The following KPNA3 variants were observed in gnomAD, a reference collection of about 807,000 sequenced individuals.
KPNA3 encodes the protein karyopherin subunit alpha 3, also known as importin subunit alpha-4.
In KPNA3, 13 loss-of-function variants were observed where a neutral mutation model predicts 73.8. The observed-to-expected ratio is 0.18, with a 90% confidence interval of 0.11 to 0.28. The LOEUF (loss-of-function observed/expected upper bound fraction) is 0.28, where lower values mean the gene tolerates loss of function less well. Among genes scored for constraint, KPNA3 ranks in the 10% least tolerant of loss-of-function variants. KPNA3 has a pLI of 1.00. For synonymous variants in KPNA3, 186 were observed against 206.9 expected (o/e 0.90, Z 0.87); for missense variants, 360 against 618.1 (o/e 0.58, Z 4.43).
chr13:49,788,950 G>C (rs78971879), intron 1 of KPNA3, among the ~76,000 whole-genome samples: 3,888 of 152,154 alleles, frequency 0.026, 87 homozygotes, highest in Non-Finnish European at 0.042. Flanking sequence ...ATTTGAAGGA[G>C]GAGGAAGAGG....
chr13:49,709,584 C>T lies in KPNA3; in HGVS notation c.1020G>A (p.Glu340=). Residue 340 remains glutamate, a synonymous_variant, in exon 12 of 17, where the codon GAG becomes GAA. Transcript: ENST00000261667. ...TTATATGCCTTACCTTATTTATCTT[C>T]TCTTTTGGGTGTGATAAGAGATTTG... The part of the protein sequence containing the change: ...HFPNLLSHPK[E]KINKEAVWFL... The T allele has an allele frequency of 1.2e-6, 2 of 1,612,614 alleles. No individual in the cohort carries two copies. The highest frequency in any genetic ancestry group is 2.2e-5 in the South Asian group (2 of 90,886).
At chr13:49,703,015 C>T (rs930641200) in intron 15 of KPNA3, among the ~76,000 whole-genome samples, 1 of 151,808 alleles carries the variant, frequency 6.6e-6, no homozygotes, top group African/African-American at 2.4e-5. Context: ...ACTACAGGCG[C>T]CCGCCACCAC....
chr13:49,764,668 C>T (rs1443423646), intron 1 of KPNA3, among the ~76,000 whole-genome samples: 1 of 152,014 alleles, frequency 6.6e-6, no homozygotes, highest in Non-Finnish European at 1.5e-5. Flanking sequence ...CAACTGTCCC[C>T]TTGCTTCATC....
chr13:49,710,186 T>C (rs1282058017), intron 11 of KPNA3, among the ~76,000 whole-genome samples: 1 of 152,134 alleles, frequency 6.6e-6, no homozygotes, highest in Non-Finnish European at 1.5e-5. Flanking sequence ...CACTTGAACC[T>C]GAGAGGCAGA....
chr13:49,779,370 AAT>A (rs374909429), intron 1 of KPNA3, among the ~76,000 whole-genome samples: 188 of 152,262 alleles, frequency 1.2e-3, no homozygotes, highest in African/African-American at 4.4e-3. Context: ...TGTCAAAGAA[AAT>A]AGAGGCCACT....
At chr13:49,779,490 C>T (rs943235421) in intron 1 of KPNA3, among the ~76,000 whole-genome samples, 1 of 152,112 alleles carries the variant, frequency 6.6e-6, no homozygotes, top group South Asian at 2.1e-4. Context: ...CTCCACATCT[C>T]ACACATCTCT....
chr13:49,704,467 AAATAAATAAATAAAT>A (rs879795649), intron 15 of KPNA3, among the ~76,000 whole-genome samples: 17,091 of 148,722 alleles, frequency 0.11, 2,068 homozygotes, highest in East Asian at 0.55. Context: ...ATAAATAAAT[AAATAAATAAATAAAT>A]AGAAAGAAAG....
chr13:49,775,187 GAAA>G (rs1475117356), intron 1 of KPNA3, among the ~76,000 whole-genome samples: 1 of 93,770 alleles, frequency 1.1e-5, no homozygotes, highest in East Asian at 7.2e-4. Context: ...AAAAAAAAAA[GAAA>G]AAAGAAAAAA....
chr13:49,716,668 C>T (rs560021845), intron 10 of KPNA3, among the ~76,000 whole-genome samples: 23 of 152,118 alleles, frequency 1.5e-4, no homozygotes, highest in Middle Eastern at 3.4e-3. Flanking sequence ...CAACTCCTGA[C>T]CTCAAGTGAT....
chr13:49,718,503 G>C (rs1954325639), intron 10 of KPNA3, among the ~76,000 whole-genome samples: 1 of 152,054 alleles, frequency 6.6e-6, no homozygotes, highest in South Asian at 2.1e-4. Flanking sequence ...ATAATGTTCT[G>C]GGGGAAAGTC....
At position 49,706,001 on chromosome 13, in the gene KPNA3, C is replaced by CA. The variant is rs1954204106; in HGVS notation, c.1209+96dup. On this transcript the variant is annotated intron_variant, in intron 14 of 16. Transcript: ENST00000261667. Reference sequence around the variant, plus strand: ...AAAATAATAATAATTATCTTTTCCCCAAAAAGAACACAATACAGTCAGCAA... The same window carrying CA: ...AAAATAATAATAATTATCTTTTCCCCAAAAAAGAACACAATACAGTCAGCAA... The CA allele has an allele frequency of 2.2e-5, 26 of 1,195,654 alleles. No homozygotes were observed. In the South Asian group the frequency reaches 3.8e-4, roughly 17 times the overall value. The allele number at this position is 1,195,654 out of a possible 1,614,324, so 74.1% of individuals were successfully genotyped here. A position where few individuals can be genotyped will look rare whatever the true frequency, so the allele number is the denominator to read the frequency against.
intron 2 of KPNA3, among the ~76,000 whole-genome samples, chr13:49,737,958 T>C (rs1954539576): frequency 6.6e-6 from 1 of 152,236 alleles, no homozygotes; most frequent in South Asian, 2.1e-4. Context: ...TTTTATGGAT[T>C]AGGCTTTCGT....
chr13:49,719,786 T>C lies in KPNA3; in HGVS notation c.760A>G (p.Thr254Ala). ...GCTTCTTAACTTACGTTTATATCTGTATGGTATATGAGGACACATAAAGCT... is the reference window on the plus strand; with the variant it reads ...GCTTCTTAACTTACGTTTATATCTGCATGGTATATGAGGACACATAAAGCT... Reference protein sequence around the residue: ...LPALCVLIYHTDINILVDTVW... With the variant: ...LPALCVLIYHADINILVDTVW... Residue 254 changes from threonine to alanine, a missense_variant, in exon 10 of 17, where the codon ACA becomes GCA. Thr to Ala is a moderately conservative substitution (Grantham distance 58). Around this residue, in one of 3 missense-constraint regions of KPNA3, gnomAD observed 287 missense variants for 549.1 expected, o/e 0.52. Transcript: ENST00000261667. 2 of 1,601,596 alleles carry C rather than the reference T, an allele frequency of 1.2e-6. No homozygotes were observed. The highest frequency in any genetic ancestry group is 1.1e-5 in the South Asian group (1 of 90,252).
In KPNA3 at chr13:49,761,384, G is replaced by A. The variant is rs531643192; in HGVS notation, c.70-14391C>T. Among the ~76,000 whole-genome samples the A allele has an allele frequency of 5.6e-4, 86 of 152,274 alleles. No individual in the cohort carries two copies. The East Asian group carries it at 0.015, about 27-fold the overall frequency. Reference sequence around the variant, plus strand: ...CTGCCGAGTGCCTGCGATTGCAGGCGCACACCGCCACGCCTGACTGGTTTT... The same window carrying A: ...CTGCCGAGTGCCTGCGATTGCAGGCACACACCGCCACGCCTGACTGGTTTT... On this transcript the variant is annotated intron_variant, in intron 1 of 16. Transcript: ENST00000261667.
chr13:49,731,280 G>C (rs1471273693), intron 6 of KPNA3, among the ~76,000 whole-genome samples: 1 of 142,166 alleles, frequency 7.0e-6, no homozygotes, highest in Non-Finnish European at 1.5e-5. Flanking sequence ...GTAGAGCTGG[G>C]ATGTTACCAT....
At chr13:49,735,421 C>T (rs1954513397) in intron 2 of KPNA3, among the ~76,000 whole-genome samples, 1 of 152,130 alleles carries the variant, frequency 6.6e-6, no homozygotes, top group African/African-American at 2.4e-5. Context: ...CGCGCCCGCC[C>T]CATACTTTAC....
intron 16 of KPNA3, 50 bp from the exon 17 acceptor site, chr13:49,701,948 A>C: frequency 8.1e-7 from 1 of 1,234,068 alleles, no homozygotes; most frequent in Non-Finnish European, 1.2e-6. Context: ...ACTATACATT[A>C]TGATGTAAGT....
At chr13:49,763,966 CTG>C (rs1292083934) in intron 1 of KPNA3, among the ~76,000 whole-genome samples, 10 of 150,262 alleles carry the variant, frequency 6.7e-5, no homozygotes, top group Admixed American at 1.3e-4. Flanking sequence ...ATTCGGGAGA[CTG>C]AGATGGAAGG....
intron 1 of KPNA3, among the ~76,000 whole-genome samples, chr13:49,787,572 C>T (rs936946182): frequency 3.9e-5 from 6 of 152,166 alleles, no homozygotes; most frequent in African/African-American, 1.2e-4. Flanking sequence ...AGTGGCATGA[C>T]CACAGCTCAT....
Sources: allele counts gnomAD v4.1 joint callset (sites outside exome capture counted in the v4.1 genomes callset), GRCh38; gene constraint gnomAD v4.1.1; regional missense constraint gnomAD v4.1.1; transcripts MANE v1.5; gene names NCBI Gene and HGNC (gene_info 2026-07-23, HGNC 2026-07-21).